The following SDK1 variants were observed in gnomAD, a reference collection of about 807,000 sequenced individuals.
SDK1 encodes the protein sidekick cell adhesion molecule 1.
In SDK1, 157 loss-of-function variants were observed where a neutral mutation model predicts 245.5. That is an observed-to-expected ratio of 0.64 (90% confidence interval 0.56 to 0.73). The LOEUF (loss-of-function observed/expected upper bound fraction) is 0.73, where lower values mean the gene tolerates loss of function less well. SDK1 is among the 30% of genes least tolerant of loss of function. The probability of loss-of-function intolerance (pLI) is 0.00; values close to 1 mark genes in which losing one functional copy is unlikely to be tolerated. For synonymous variants in SDK1, 1,647 were observed against 1,278.5 expected (o/e 1.29, Z -6.15); for missense variants, 3,583 against 3,002.3 (o/e 1.19, Z -4.52).
At chr7:3,469,669 A>G (rs762924433) in intron 1 of SDK1, among the ~76,000 whole-genome samples, 7 of 152,290 alleles carry the variant, frequency 4.6e-5, no homozygotes, top group African/African-American at 1.2e-4. Context: ...TCTAACGTCT[A>G]GTTACTTAAG....
intron 1 of SDK1, among the ~76,000 whole-genome samples, chr7:3,558,601 G>C (rs77866230): frequency 6.6e-6 from 1 of 152,210 alleles, no homozygotes; most frequent in Non-Finnish European, 1.5e-5. Flanking sequence ...AAGGGAGTAA[G>C]AGCTGGGAGG....
At chr7:3,394,172 A>G (rs1257462869) in intron 1 of SDK1, among the ~76,000 whole-genome samples, 1 of 151,802 alleles carries the variant, frequency 6.6e-6, no homozygotes, top group African/African-American at 2.4e-5. Context: ...TCCCAAACAC[A>G]TGGAGTCAGT....
At chr7:4,173,428 G>C (rs898814521) in intron 32 of SDK1, among the ~76,000 whole-genome samples, 1 of 152,212 alleles carries the variant, frequency 6.6e-6, no homozygotes, top group South Asian at 2.1e-4. Context: ...GCTGGGTCTC[G>C]AGTGGTGAAC....
At chr7:3,715,397 G>A (rs559384681) in intron 4 of SDK1, among the ~76,000 whole-genome samples, 2 of 152,118 alleles carry the variant, frequency 1.3e-5, no homozygotes, top group African/African-American at 2.4e-5. Flanking sequence ...CTCCTCAGGT[G>A]GCACTAGTCA....
chr7:3,459,118 G>A (rs771813944), intron 1 of SDK1, among the ~76,000 whole-genome samples: 1 of 152,122 alleles, frequency 6.6e-6, no homozygotes, highest in Admixed American at 6.6e-5. Flanking sequence ...TTATAGTATT[G>A]TATCTTCTAA....
chr7:4,165,371 A>T (rs994163664), intron 32 of SDK1, among the ~76,000 whole-genome samples: 3 of 152,056 alleles, frequency 2.0e-5, no homozygotes, highest in African/African-American at 7.3e-5. Flanking sequence ...AAACAAACAA[A>T]CAAACAAACA....
intron 35 of SDK1, among the ~76,000 whole-genome samples, chr7:4,188,184 T>C (rs1283266638): frequency 3.9e-5 from 6 of 152,256 alleles, no homozygotes; most frequent in African/African-American, 1.2e-4. Flanking sequence ...ACCATATCAC[T>C]AGCTGTATAT....
At chr7:3,902,298 G>A (rs1418508864) in intron 5 of SDK1, among the ~76,000 whole-genome samples, 1 of 152,106 alleles carries the variant, frequency 6.6e-6, no homozygotes, top group African/African-American at 2.4e-5. Context: ...TTCCATGTTT[G>A]TGTCTCCCTT....
intron 9 of SDK1, among the ~76,000 whole-genome samples, chr7:3,964,072 A>G (rs1052006305): frequency 2.0e-5 from 3 of 152,276 alleles, no homozygotes; most frequent in African/African-American, 7.2e-5. Flanking sequence ...CAGCAAAGCC[A>G]GACCTGCTAG....
chr7:3,574,617 A>G (rs1192509471), intron 1 of SDK1, among the ~76,000 whole-genome samples: 1 of 152,102 alleles, frequency 6.6e-6, no homozygotes, highest in African/African-American at 2.4e-5. Context: ...TTGCAAAGCA[A>G]AACCTGTAAT....
At chr7:3,805,105 A>G (rs1170275001) in intron 4 of SDK1, among the ~76,000 whole-genome samples, 1 of 152,254 alleles carries the variant, frequency 6.6e-6, no homozygotes, top group African/African-American at 2.4e-5. Context: ...CAAGGTACTC[A>G]TATATCATGT....
chr7:4,012,361 G>A (rs560575427), intron 16 of SDK1, 126 bp downstream of exon 16: 78 of 1,041,950 alleles, frequency 7.5e-5, no homozygotes, highest in Middle Eastern at 6.7e-4. Flanking sequence ...CCAGGTGTGA[G>A]ATGTTAGGGA....
At chr7:3,611,823 A>G (rs1035086899) in intron 1 of SDK1, among the ~76,000 whole-genome samples, 35 of 152,212 alleles carry the variant, frequency 2.3e-4, no homozygotes, top group Admixed American at 2.2e-3. Flanking sequence ...AAATCAAAAA[A>G]TAATAGATGA....
chr7:3,914,943 T>G (rs1779312479), intron 5 of SDK1, among the ~76,000 whole-genome samples: 1 of 152,172 alleles, frequency 6.6e-6, no homozygotes, highest in Admixed American at 6.5e-5. Flanking sequence ...TGAACTCATT[T>G]TAGGTGGTTG....
chr7:3,965,703 C>T (rs1007920637), intron 9 of SDK1, among the ~76,000 whole-genome samples: 8 of 151,906 alleles, frequency 5.3e-5, no homozygotes, highest in East Asian at 1.9e-4. Context: ...CAGTGAAGGA[C>T]GAGATGACTC....
chr7:4,245,496 G>T (rs913304304), intron 43 of SDK1, among the ~76,000 whole-genome samples, 180 bp from the exon 44 acceptor site: 3 of 152,190 alleles, frequency 2.0e-5, no homozygotes, highest in Non-Finnish European at 4.4e-5. Flanking sequence ...GTACACAGAG[G>T]CTGTTGACTC....
intron 28 of SDK1, among the ~76,000 whole-genome samples, chr7:4,144,623 G>C (rs582911): frequency 0.18 from 27,441 of 151,996 alleles, 2,668 homozygotes; most frequent in South Asian, 0.23. Context: ...CTGTGAGCTC[G>C]GTCGTTCATG....
Position 3,755,643 on chromosome 7 carries a change from C to T in SDK1, c.714-65807C>T, listed in dbSNP as rs549289906. Among the ~76,000 whole-genome samples, 106 of 152,204 alleles carry T rather than the reference C, an allele frequency of 7.0e-4. 2 individuals carry two copies. In the South Asian group the frequency reaches 0.012, roughly 18 times the overall value. ...AGAACGTCATCTCAAAAAAGTTCTC[C>T]GTGTCGTTCATTTGTAACCAACTCC... On this transcript the variant is annotated intron_variant, in intron 4 of 44. Transcript: ENST00000404826.
intron 17 of SDK1, among the ~76,000 whole-genome samples, chr7:4,048,356 C>G (rs748676183): frequency 6.6e-6 from 1 of 152,126 alleles, no homozygotes; most frequent in African/African-American, 2.4e-5. Context: ...AGAAGCTAGC[C>G]CTGCCCACTG....
Sources: allele counts gnomAD v4.1 joint callset (sites outside exome capture counted in the v4.1 genomes callset), GRCh38; gene constraint gnomAD v4.1.1; transcripts MANE v1.5; gene names NCBI Gene and HGNC (gene_info 2026-07-23, HGNC 2026-07-21).